The following ANTXR1 variants were observed in gnomAD, a reference collection of about 807,000 sequenced individuals.
ANTXR1 encodes ANTXR cell adhesion molecule 1, also known as anthrax toxin receptor 1.
ANTXR1 carries 19 observed loss-of-function variants against 78.1 expected under a neutral mutation model. The ratio of observed to expected loss-of-function variants is 0.24; its 90% CI spans 0.17 to 0.36. The LOEUF is 0.36. Among genes scored for constraint, ANTXR1 ranks in the 10% least tolerant of loss-of-function variants. The pLI, the probability that ANTXR1 is intolerant of heterozygous loss-of-function variation, is 1.00. For synonymous variants in ANTXR1, 273 were observed against 260.5 expected (o/e 1.05, Z -0.46); for missense variants, 518 against 718.6 (o/e 0.72, Z 3.19).
chr2:69,159,743 G>A (rs1673627602), intron 13 of ANTXR1, among the ~76,000 whole-genome samples: 1 of 151,860 alleles, frequency 6.6e-6, no homozygotes, highest in East Asian at 1.9e-4. Flanking sequence ...TGTTTTCAGT[G>A]GCCTTATAGG....
In ANTXR1 at chr2:69,181,888, G is replaced by A; in HGVS notation, c.1185+7G>A. On this transcript the variant is annotated splice_region_variant and intron_variant, in intron 15 of 17. Coordinates refer to ENST00000303714, the MANE Select transcript of ANTXR1 (RefSeq NM_032208.3). ...AGGCATTAAAAGAATGGAGGTAAGA[G>A]GACAGCTTCATATACACTTATCTAT... The A allele has an allele frequency of 6.2e-7, 1 of 1,613,814 alleles. No individual in the cohort carries two copies.
At chr2:69,162,552 A>G (rs568936506) in intron 13 of ANTXR1, among the ~76,000 whole-genome samples, 1 of 152,300 alleles carries the variant, frequency 6.6e-6, no homozygotes, top group African/African-American at 2.4e-5. Flanking sequence ...TAGAATTTCC[A>G]TAGGTAAATG....
At chr2:69,069,756 C>T (rs1670510342) in intron 3 of ANTXR1, among the ~76,000 whole-genome samples, 1 of 152,154 alleles carries the variant, frequency 6.6e-6, no homozygotes. Flanking sequence ...AGCGGATGCT[C>T]AATAAATGTT....
chr2:69,077,464 G>A lies in ANTXR1; in HGVS notation c.618G>A (p.Gln206=). The A allele has an allele frequency of 6.2e-7, 1 of 1,614,126 alleles. No individual in the cohort carries two copies. The change falls in exon 8 of 18, where the codon CAG becomes CAA. Residue 206 remains glutamine, a synonymous_variant. Coordinates refer to ENST00000303714, the MANE Select transcript of ANTXR1 (RefSeq NM_032208.3). ...TGTTTCCCGTGAATGACGGCTTTCAGGCTCTGCAAGGCATCATCCACTCAG... is the reference window on the plus strand; with the variant it reads ...TGTTTCCCGTGAATGACGGCTTTCAAGCTCTGCAAGGCATCATCCACTCAG... The part of the protein sequence containing the change: ...DHVFPVNDGF[Q]ALQGIIHSIL...
At chr2:69,162,864 G>C (rs1243136983) in intron 13 of ANTXR1, among the ~76,000 whole-genome samples, 1 of 152,072 alleles carries the variant, frequency 6.6e-6, no homozygotes, top group Non-Finnish European at 1.5e-5. Flanking sequence ...GACTAATGGG[G>C]GAAATGGGTT....
intron 9 of ANTXR1, among the ~76,000 whole-genome samples, chr2:69,091,445 C>CAAAA (rs60795933): frequency 6.4e-5 from 4 of 62,328 alleles, no homozygotes; most frequent in Admixed American, 2.2e-4. Flanking sequence ...GACACCATCT[C>CAAAA]AAAAAAAAAA....
intron 9 of ANTXR1, among the ~76,000 whole-genome samples, chr2:69,095,996 C>T (rs954401102): frequency 2.0e-5 from 3 of 152,014 alleles, no homozygotes; most frequent in African/African-American, 4.8e-5. Flanking sequence ...CGGTGGCTCA[C>T]GCCTGTAATC....
chr2:69,094,104 G>T (rs962700428), intron 9 of ANTXR1, among the ~76,000 whole-genome samples: 1 of 152,234 alleles, frequency 6.6e-6, no homozygotes, highest in African/African-American at 2.4e-5. Context: ...TAGTTTTCAG[G>T]AAGCCTGGGA....
chr2:69,181,957 C>A, intron 15 of ANTXR1, 76 bp downstream of exon 15: 1 of 1,429,812 alleles, frequency 7.0e-7, no homozygotes, highest in Non-Finnish European at 9.8e-7. Flanking sequence ...CCTGACCCTG[C>A]TTAGCCTCTA....
At chr2:69,213,394 C>T (rs1372815709) in intron 17 of ANTXR1, among the ~76,000 whole-genome samples, 2 of 152,236 alleles carry the variant, frequency 1.3e-5, no homozygotes. Flanking sequence ...AACATTCCCA[C>T]ATCTGCTTCC....
At chr2:69,200,057 C>A (rs1674738061) in intron 17 of ANTXR1, among the ~76,000 whole-genome samples, 1 of 152,200 alleles carries the variant, frequency 6.6e-6, no homozygotes, top group Non-Finnish European at 1.5e-5. Context: ...CATCTACCAA[C>A]CAGCCTGAGC....
intron 3 of ANTXR1, among the ~76,000 whole-genome samples, chr2:69,059,248 C>G (rs1459494250): frequency 6.6e-6 from 1 of 152,190 alleles, no homozygotes; most frequent in Non-Finnish European, 1.5e-5. Context: ...GCATCACATA[C>G]TACAGAGAAA....
chr2:69,193,515 T>G, intron 17 of ANTXR1, 100 bp downstream of exon 17: 2 of 1,107,528 alleles, frequency 1.8e-6, no homozygotes, highest in Non-Finnish European at 2.7e-6. Context: ...TCTCCATCTT[T>G]GTAGAGCTAA....
At chr2:69,134,361 T>C (rs932799850) in intron 12 of ANTXR1, among the ~76,000 whole-genome samples, 1 of 152,184 alleles carries the variant, frequency 6.6e-6, no homozygotes, top group Non-Finnish European at 1.5e-5. Flanking sequence ...CTACAGATTA[T>C]TTGTTGTATA....
At chr2:69,072,095 T>G (rs1670583548) in intron 5 of ANTXR1, among the ~76,000 whole-genome samples, 1 of 152,236 alleles carries the variant, frequency 6.6e-6, no homozygotes, top group African/African-American at 2.4e-5. Flanking sequence ...TTGCATAGGT[T>G]AGTAAAGTCT....
Position 69,075,570 on chromosome 2 carries a change from CCTTT to C in ANTXR1, c.493-14_493-11del, listed in dbSNP as rs1378310672. The C allele has an allele frequency of 6.2e-7, 1 of 1,612,522 alleles. No individual in the cohort carries two copies. Among genetic ancestry groups the C allele is most frequent in the African/African-American group, 1.3e-5 (1 of 74,882 alleles). ...TTGTCACTGCTTCTCTTTCTAATGT[CCTTT>C]CTTTCCTTTTCCCAGGCTAATAGGT... is the stretch of plus-strand genomic sequence containing the variant. On this transcript the variant is annotated splice_polypyrimidine_tract_variant and intron_variant, in intron 6 of 17. Coordinates refer to ENST00000303714, the MANE Select transcript of ANTXR1 (RefSeq NM_032208.3).
rs1009317163 is a variant in ANTXR1, at chr2:69,013,224, G to A, written c.-276G>A. Reference sequence around the variant, plus strand: ...AAAGCTCGGCGCGGCCTCGGGAGCTGCCCGGCGGCCCCGGACCGAGGCAGC... The same window carrying A: ...AAAGCTCGGCGCGGCCTCGGGAGCTACCCGGCGGCCCCGGACCGAGGCAGC... On this transcript the variant is annotated 5_prime_UTR_variant, in exon 1 of 18. Coordinates refer to ENST00000303714, the MANE Select transcript of ANTXR1 (RefSeq NM_032208.3). This position sits in a 1 kb window ranked among gnomAD's most constrained non-coding sequence, Gnocchi z 5.0. 13 of 501,758 alleles carry A rather than the reference G, an allele frequency of 2.6e-5. No individual in the cohort carries two copies. Among genetic ancestry groups the A allele is most frequent in the African/African-American group, 2.2e-4 (11 of 50,294 alleles). The allele number at this position is 501,758 out of a possible 1,614,324, so 31.1% of individuals were successfully genotyped here. A position where few individuals can be genotyped will look rare whatever the true frequency, so the allele number is the denominator to read the frequency against.
chr2:69,027,992 G>A (rs1366201101), intron 1 of ANTXR1, among the ~76,000 whole-genome samples: 1 of 152,066 alleles, frequency 6.6e-6, no homozygotes, highest in African/African-American at 2.4e-5. Context: ...GAGCAGAACA[G>A]ACAATGCAGA....
At chr2:69,241,828 A>G (rs1675901777) in intron 17 of ANTXR1, among the ~76,000 whole-genome samples, 2 of 152,080 alleles carry the variant, frequency 1.3e-5, no homozygotes, top group African/African-American at 2.4e-5. Flanking sequence ...ACAGCATTAG[A>G]CTACTAAACA....
Sources: gnomAD v4.1 joint callset for allele counts (sites outside exome capture counted in the v4.1 genomes callset) on GRCh38, gnomAD v4.1.1 for gene constraint, Gnocchi (gnomAD v3.1) non-coding constraint, MANE v1.5 for transcripts, NCBI Gene and HGNC (gene_info 2026-07-23, HGNC 2026-07-21) for gene names.